Variants in GRAMD1B observed in about 807,000 individuals in gnomAD.
GRAMD1B encodes protein Aster-B.
A neutral mutation model predicts 99.7 loss-of-function variants in GRAMD1B; 37 were observed. The ratio of observed to expected loss-of-function variants is 0.37; its 90% CI spans 0.29 to 0.49. GRAMD1B has a LOEUF of 0.49. Ranked by LOEUF, GRAMD1B falls within the 20% of genes least tolerant of loss-of-function variation. The pLI is 0.98. For synonymous variants in GRAMD1B, 427 were observed against 387.6 expected, an observed-to-expected ratio of 1.10 and a Z score of -1.19; for missense variants, 888 against 1,009.2, an observed-to-expected ratio of 0.88 and a Z score of 1.63.
chr11:123,580,596 G>A (rs1243332253), intron 3 of GRAMD1B, among the ~76,000 whole-genome samples: 1 of 152,186 alleles, frequency 6.6e-6, no homozygotes, highest in Non-Finnish European at 1.5e-5. Flanking sequence ...CATGGCACCA[G>A]GTGATCGCTA....
At chr11:123,502,382 T>C (rs1200196136) in intron 2 of GRAMD1B, among the ~76,000 whole-genome samples, 3 of 152,220 alleles carry the variant, frequency 2.0e-5, no homozygotes, top group Non-Finnish European at 4.4e-5. Flanking sequence ...GCAATATTAC[T>C]GGACCTAGCC....
intron 12 of GRAMD1B, 143 bp downstream of exon 12, chr11:123,608,945 C>T: frequency 1.5e-6 from 1 of 649,112 alleles, no homozygotes; most frequent in Non-Finnish European, 2.7e-6. Flanking sequence ...GACACCCTCT[C>T]TCCAGCCTTC....
At chr11:123,446,017 C>T (rs1272601659) in intron 1 of GRAMD1B, among the ~76,000 whole-genome samples, 1 of 152,070 alleles carries the variant, frequency 6.6e-6, no homozygotes, top group African/African-American at 2.4e-5. Context: ...TGGAAGAATA[C>T]CTAGTGGATC....
chr11:123,433,077 G>A (rs1948976198), intron 1 of GRAMD1B, among the ~76,000 whole-genome samples: 1 of 152,150 alleles, frequency 6.6e-6, no homozygotes, highest in Admixed American at 6.5e-5. Flanking sequence ...TGTCAGGCCA[G>A]GGGCGGTGGC....
At chr11:123,500,326 A>AAAAT (rs1939726591) in intron 2 of GRAMD1B, among the ~76,000 whole-genome samples, 2 of 152,158 alleles carry the variant, frequency 1.3e-5, no homozygotes, top group South Asian at 4.1e-4. Context: ...CATCTCTCTC[A>AAAAT]AAATAAATAA....
At chr11:123,513,656 T>TCTTTCTTTTTCTTAC (rs1213879651) in intron 2 of GRAMD1B, among the ~76,000 whole-genome samples, 24 of 146,882 alleles carry the variant, frequency 1.6e-4, no homozygotes, top group Non-Finnish European at 2.5e-4. Context: ...TTCTTACCTT[T>TCTTTCTTTTTCTTAC]CTTTCTTTCT....
intron 1 of GRAMD1B, among the ~76,000 whole-genome samples, chr11:123,408,570 C>A (rs1387701792): frequency 6.6e-6 from 1 of 152,230 alleles, no homozygotes; most frequent in Non-Finnish European, 1.5e-5. Flanking sequence ...AAGAAAACAG[C>A]AGAATTGAAT....
chr11:123,569,245 G>T (rs766929136), intron 2 of GRAMD1B, among the ~76,000 whole-genome samples: 61 of 152,132 alleles, frequency 4.0e-4, no homozygotes, highest in Non-Finnish European at 8.1e-4. Context: ...TGAGTAAAAG[G>T]AGCTGAGACC....
At chr11:123,494,281 C>A (rs1938949639) in intron 2 of GRAMD1B, among the ~76,000 whole-genome samples, 1 of 152,146 alleles carries the variant, frequency 6.6e-6, no homozygotes, top group African/African-American at 2.4e-5. Context: ...CTTTACACAT[C>A]TATTAACCTT....
At chr11:123,437,163 A>AT (rs1949200012) in intron 1 of GRAMD1B, among the ~76,000 whole-genome samples, 2 of 152,126 alleles carry the variant, frequency 1.3e-5, no homozygotes, top group South Asian at 2.1e-4. Context: ...AGATGGCACA[A>AT]TTTTTTTGCT....
chr11:123,397,588 C>T (rs552026630), intron 1 of GRAMD1B, among the ~76,000 whole-genome samples: 31 of 152,112 alleles, frequency 2.0e-4, no homozygotes, highest in African/African-American at 3.4e-4. Context: ...ACTGCAGCCT[C>T]GACTCTCAGG....
intron 1 of GRAMD1B, among the ~76,000 whole-genome samples, chr11:123,437,060 G>A (rs972948721): frequency 2.6e-5 from 4 of 152,088 alleles, no homozygotes; most frequent in Admixed American, 2.6e-4. Context: ...AGCTTCATCC[G>A]TGTCCCTACA....
At chr11:123,621,493 C>T (rs1955104542) in intron 19 of GRAMD1B, among the ~76,000 whole-genome samples, 1 of 152,188 alleles carries the variant, frequency 6.6e-6, no homozygotes, top group Non-Finnish European at 1.5e-5. Context: ...TCCTAGCAAA[C>T]ATGAAACCAA....
chr11:123,546,464 C>T (rs1945049705), intron 2 of GRAMD1B, among the ~76,000 whole-genome samples: 1 of 152,198 alleles, frequency 6.6e-6, no homozygotes, highest in South Asian at 2.1e-4. Context: ...ATCTCTCTTT[C>T]TATTCACTAC....
intron 1 of GRAMD1B, chr11:123,460,205 G>A (rs1470257962): frequency 6.6e-6 from 1 of 152,206 alleles, no homozygotes; most frequent in East Asian, 1.9e-4. Context: ...GTGACCATGT[G>A]TGGTATGACA....
intron 2 of GRAMD1B, among the ~76,000 whole-genome samples, chr11:123,529,189 A>T (rs1298337056): frequency 6.6e-6 from 1 of 152,210 alleles, no homozygotes; most frequent in Non-Finnish European, 1.5e-5. Flanking sequence ...GTGTACACGC[A>T]AGTCAGTAAG....
intron 1 of GRAMD1B, among the ~76,000 whole-genome samples, chr11:123,445,481 G>T (rs549467472): frequency 6.6e-6 from 1 of 151,882 alleles, no homozygotes; most frequent in Non-Finnish European, 1.5e-5. Flanking sequence ...CAGTGTCTAC[G>T]ATGAACCACA....
intron 1 of GRAMD1B, among the ~76,000 whole-genome samples, chr11:123,432,667 T>C (rs1948954283): frequency 6.6e-6 from 1 of 152,078 alleles, no homozygotes; most frequent in African/African-American, 2.4e-5. Context: ...GAGGAAGACT[T>C]CTTGAAGGAA....
chr11:123,380,032 A>T (rs955158407), intron 1 of GRAMD1B, among the ~76,000 whole-genome samples: 2 of 152,228 alleles, frequency 1.3e-5, no homozygotes, highest in Admixed American at 6.5e-5. Flanking sequence ...CTTTAAAAAA[A>T]TTATTTTGTT....
Sources: gnomAD v4.1 joint callset for allele counts (sites outside exome capture counted in the v4.1 genomes callset) on GRCh38, gnomAD v4.1.1 for gene constraint, MANE v1.5 for transcripts, NCBI Gene and HGNC (gene_info 2026-07-23, HGNC 2026-07-21) for gene names.